Variants in APMAP observed in about 807,000 individuals in gnomAD.
APMAP encodes adipocyte plasma membrane-associated protein.
A neutral mutation model predicts 43.6 loss-of-function variants in APMAP; 33 were observed. The ratio of observed to expected loss-of-function variants is 0.76; its 90% CI spans 0.57 to 1.01. APMAP has a LOEUF of 1.01. APMAP is among the 50% of genes least tolerant of loss of function. The pLI, the probability that APMAP is intolerant of heterozygous loss-of-function variation, is 0.00. For synonymous variants in APMAP, 224 were observed against 216.7 expected (o/e 1.03, Z -0.30); for missense variants, 498 against 540.7 (o/e 0.92, Z 0.78).
At chr20:24,987,647 A>T (rs1425505343) in intron 1 of APMAP, among the ~76,000 whole-genome samples, 1 of 152,218 alleles carries the variant, frequency 6.6e-6, no homozygotes, top group Non-Finnish European at 1.5e-5. Flanking sequence ...CTAAAAAAAA[A>T]AGTTGACAGT....
At chr20:24,972,754 G>T (rs1183418082) in intron 4 of APMAP, among the ~76,000 whole-genome samples, 1 of 151,896 alleles carries the variant, frequency 6.6e-6, no homozygotes, top group Non-Finnish European at 1.5e-5. Context: ...TGTTCACTGT[G>T]GGGTGCTCAC....
chr20:24,978,743 C>CA (rs1555845594), intron 3 of APMAP, 24 bp downstream of exon 3: 1 of 1,269,464 alleles, frequency 7.9e-7, no homozygotes, highest in South Asian at 1.2e-5. Context: ...GGAAGGCTCC[C>CA]CCCCCACCCA....
chr20:24,968,802 C>G (rs933067296), intron 8 of APMAP, 90 bp downstream of exon 8: 2 of 1,297,790 alleles, frequency 1.5e-6, no homozygotes, highest in African/African-American at 1.5e-5. Flanking sequence ...ATACTACAAG[C>G]AGAACTAGAT....
In APMAP at chr20:24,968,998, C is replaced by A. The variant is rs745691943; in HGVS notation, c.935G>T (p.Ser312Ile). ...CATGCCCACCCAGTACCCCCCAGAG[C>A]TGCTGGGCCGGATGTTGTCTGGAAA... ...PGFPDNIRPS[S>I]SGGYWVGMST... The change falls in exon 8 of 9, where the codon AGC becomes ATC. Residue 312 changes from serine to isoleucine, a missense_variant. By Grantham distance (142) the Ser-to-Ile change is moderately radical (BLOSUM62 -2). Coordinates refer to ENST00000217456, the MANE Select transcript of APMAP (RefSeq NM_020531.3). The A allele has an allele frequency of 6.2e-6, 10 of 1,613,998 alleles. No homozygotes were observed. The highest frequency in any genetic ancestry group is 4.5e-5 in the East Asian group (2 of 44,858).
At chr20:24,989,266 G>A (rs190097285) in intron 1 of APMAP, among the ~76,000 whole-genome samples, 6 of 152,120 alleles carry the variant, frequency 3.9e-5, no homozygotes, top group Admixed American at 2.6e-4. Flanking sequence ...CCAATCTCTC[G>A]GAAGAGCCTG....
chr20:24,978,750 C>CCCCAA lies in APMAP; in HGVS notation c.328+16_328+17insTTGGG. 7.1e-7 allele frequency: 1 copy of CCCCAA among 1,408,778 alleles called. No individual in the cohort carries two copies. The highest frequency in any genetic ancestry group is 1.2e-5 in the South Asian group (1 of 85,676). 87.3% of individuals were successfully genotyped at this position (1,408,778 alleles called of 1,614,324 possible). On this transcript the variant is annotated intron_variant, in intron 3 of 8. Transcript: ENST00000217456. ...GACAGCCTGGAAGGCTCCCCCCCCA[C>CCCCAA]CCAAGCTTAGACTTACCCCCAATAT... is the stretch of plus-strand genomic sequence containing the variant.
intron 1 of APMAP, among the ~76,000 whole-genome samples, chr20:24,988,189 T>C (rs901747355): frequency 2.0e-5 from 3 of 152,252 alleles, no homozygotes; most frequent in African/African-American, 7.2e-5. Context: ...ACCTTCATTA[T>C]AAACAGTAAC....
intron 2 of APMAP, among the ~76,000 whole-genome samples, chr20:24,981,969 G>A (rs552164486): frequency 6.6e-5 from 10 of 152,332 alleles, no homozygotes; most frequent in South Asian, 2.1e-4. Flanking sequence ...TTGTGGCCAC[G>A]TTCTTGCATG....
intron 2 of APMAP, among the ~76,000 whole-genome samples, chr20:24,983,021 A>C (rs531240463): frequency 6.6e-6 from 1 of 152,368 alleles, no homozygotes; most frequent in South Asian, 2.1e-4. Flanking sequence ...TTGTGTGTTT[A>C]CAGCACCTTG....
At chr20:24,990,131 C>G (rs1251276540) in intron 1 of APMAP, among the ~76,000 whole-genome samples, 1 of 152,152 alleles carries the variant, frequency 6.6e-6, no homozygotes, top group Non-Finnish European at 1.5e-5. Context: ...TTCGGGAAAT[C>G]AATGTCAAAT....
intron 4 of APMAP, among the ~76,000 whole-genome samples, chr20:24,973,066 T>G (rs1290121094): frequency 4.6e-5 from 7 of 152,230 alleles, no homozygotes; most frequent in Admixed American, 2.6e-4. Context: ...ATTTTCTCCT[T>G]TGTACCTTTG....
chr20:24,964,570 G>A (rs1041042690), intron 8 of APMAP, among the ~76,000 whole-genome samples: 5 of 152,192 alleles, frequency 3.3e-5, no homozygotes, highest in African/African-American at 4.8e-5. Context: ...AAAGCGGGGC[G>A]TGCAGATCCT....
At chr20:24,991,122 G>A (rs926875152) in intron 1 of APMAP, among the ~76,000 whole-genome samples, 3 of 152,158 alleles carry the variant, frequency 2.0e-5, no homozygotes, top group African/African-American at 7.2e-5. Flanking sequence ...TTGAGAGTTG[G>A]GACTACCTAA....
intron 1 of APMAP, among the ~76,000 whole-genome samples, chr20:24,985,768 T>G (rs111628157): frequency 0.035 from 5,319 of 152,032 alleles, 328 homozygotes; most frequent in African/African-American, 0.12. Flanking sequence ...AACACATTAG[T>G]AAAACTACGG....
intron 5 of APMAP, 41 bp downstream of exon 5, chr20:24,971,419 T>C (rs1892203029): frequency 6.5e-7 from 1 of 1,539,200 alleles, no homozygotes; most frequent in Non-Finnish European, 9.0e-7. Context: ...GTTTAAAAGA[T>C]CTAAAATCTT....
At chr20:24,964,364 C>G (rs1281400369) in intron 8 of APMAP, 2 of 515,124 alleles carry the variant, frequency 3.9e-6, no homozygotes, top group African/African-American at 3.9e-5. Flanking sequence ...CTCAGAATGA[C>G]CTCCACTCAC....
chr20:24,983,197 CT>C (rs1369568417), intron 2 of APMAP, among the ~76,000 whole-genome samples: 1 of 152,230 alleles, frequency 6.6e-6, no homozygotes, highest in Non-Finnish European at 1.5e-5. Flanking sequence ...TATATTCACT[CT>C]TTAACTAGGT....
Position 24,963,985 on chromosome 20 carries a change from C to A in APMAP, c.1079G>T (p.Arg360Leu). The A allele has an allele frequency of 6.2e-7, 1 of 1,614,206 alleles. No homozygotes were observed. Among genetic ancestry groups the A allele is most frequent in the African/African-American group, 1.3e-5 (1 of 75,054 alleles). Residue 360 changes from arginine (R) to leucine (L), a missense_variant, in exon 9 of 9, where the codon CGG becomes CTG. By Grantham distance (102) the Arg-to-Leu change is moderately radical. Transcript: ENST00000217456. The stretch of plus-strand genomic sequence containing the variant: ...GCTGAGTTCTAGGACGAGGCTGTAC[C>A]GCGGCACAAACTTCATCACCGTCTC... ...SQETVMKFVP[R>L]YSLVLELSDS... is the part of the protein sequence containing the mutation.
At chr20:24,966,173 G>A (rs1481851828) in intron 8 of APMAP, among the ~76,000 whole-genome samples, 4 of 152,166 alleles carry the variant, frequency 2.6e-5, no homozygotes, top group Admixed American at 2.0e-4. Context: ...AAACTGGAAC[G>A]ACTTATGTGC....
Sources: gnomAD v4.1 joint callset for allele counts (sites outside exome capture counted in the v4.1 genomes callset) on GRCh38, gnomAD v4.1.1 for gene constraint, MANE v1.5 for transcripts, NCBI Gene and HGNC (gene_info 2026-07-23, HGNC 2026-07-21) for gene names.